The following CYYR1 variants were observed in gnomAD, a reference collection of about 807,000 sequenced individuals.
CYYR1 encodes the protein cysteine and tyrosine rich 1.
In CYYR1, 14 loss-of-function variants were observed where a neutral mutation model predicts 15.2. The observed-to-expected ratio is 0.92, with a 90% CI of 0.61 to 1.44. The LOEUF is 1.44. CYYR1 is among the 40% of genes most tolerant of loss of function. The pLI, the probability that CYYR1 is intolerant of heterozygous loss-of-function variation, is 0.00. For synonymous variants in CYYR1, 80 were observed against 77.4 expected, an observed-to-expected ratio of 1.03 and a Z score of -0.18; for missense variants, 228 against 209.5, an observed-to-expected ratio of 1.09 and a Z score of -0.54.
At chr21:26,487,098 A>T (rs1348471939) in intron 2 of CYYR1, among the ~76,000 whole-genome samples, 1 of 152,048 alleles carries the variant, frequency 6.6e-6, no homozygotes, top group Non-Finnish European at 1.5e-5. Context: ...TTTTACACCT[A>T]TACAAAAAGT....
At chr21:26,491,351 G>A (rs1039312156) in intron 2 of CYYR1, among the ~76,000 whole-genome samples, 6 of 152,126 alleles carry the variant, frequency 3.9e-5, no homozygotes, top group African/African-American at 1.4e-4. Flanking sequence ...CATGCTTTGA[G>A]TGGAAATAAA....
intron 2 of CYYR1, among the ~76,000 whole-genome samples, chr21:26,507,668 G>A (rs1347578723): frequency 2.0e-5 from 3 of 152,116 alleles, no homozygotes; most frequent in Admixed American, 1.3e-4. Flanking sequence ...CAAAAAACAG[G>A]CAGCCACCTC....
At chr21:26,564,088 A>G (rs532204556) in intron 2 of CYYR1, among the ~76,000 whole-genome samples, 2 of 152,310 alleles carry the variant, frequency 1.3e-5, no homozygotes, top group South Asian at 4.1e-4. Flanking sequence ...TGAATTTCAA[A>G]ACAGAAATAT....
At chr21:26,469,017 G>C (rs1006002914) in intron 3 of CYYR1, among the ~76,000 whole-genome samples, 1 of 152,176 alleles carries the variant, frequency 6.6e-6, no homozygotes, top group Non-Finnish European at 1.5e-5. Flanking sequence ...GGTGGGCTCT[G>C]AATGCAATGT....
intron 2 of CYYR1, among the ~76,000 whole-genome samples, chr21:26,523,511 G>A (rs149125999): frequency 1.5e-3 from 223 of 152,182 alleles, no homozygotes; most frequent in African/African-American, 4.7e-3. Context: ...TCTGCATTGC[G>A]GTCTGCCGGA....
intron 3 of CYYR1, 102 bp from the exon 4 acceptor site, chr21:26,468,736 GT>G: frequency 1.1e-6 from 1 of 878,330 alleles, no homozygotes; most frequent in Non-Finnish European, 1.8e-6. Context: ...GACATAAATT[GT>G]GGCTGCAAAA....
chr21:26,483,425 A>G, intron 2 of CYYR1: 1 of 981,918 alleles, frequency 1.0e-6, no homozygotes, highest in Non-Finnish European at 1.2e-6. Context: ...AAAAAAAAAA[A>G]AAAGCTTGAA....
intron 1 of CYYR1, 55 bp downstream of exon 1, chr21:26,572,813 T>C: frequency 6.2e-7 from 1 of 1,600,728 alleles, no homozygotes; most frequent in Middle Eastern, 1.7e-4. Flanking sequence ...GCCCGGACCG[T>C]GACCCAAGGG....
intron 2 of CYYR1, among the ~76,000 whole-genome samples, chr21:26,508,540 G>T (rs1416629847): frequency 6.6e-6 from 1 of 152,146 alleles, no homozygotes; most frequent in African/African-American, 2.4e-5. Context: ...TGGAGTAAAG[G>T]AATACAGTGG....
chr21:26,517,008 G>C (rs1453329002), intron 2 of CYYR1, among the ~76,000 whole-genome samples: 5 of 149,164 alleles, frequency 3.4e-5, no homozygotes, highest in African/African-American at 1.2e-4. Flanking sequence ...CCAGCTACTC[G>C]GGAGGCTGAG....
intron 2 of CYYR1, among the ~76,000 whole-genome samples, chr21:26,545,408 C>T (rs1051510913): frequency 2.0e-5 from 3 of 152,036 alleles, no homozygotes; most frequent in African/African-American, 7.2e-5. Context: ...ATCCACATCA[C>T]CCTGTCCTTC....
At position 26,551,293 on chromosome 21, in the gene CYYR1, C is replaced by A. The variant is rs575225828; in HGVS notation, c.176+14973G>T. On this transcript the variant is annotated intron_variant, in intron 2 of 3. Coordinates refer to ENST00000652641, the MANE Select transcript of CYYR1 (RefSeq NM_001320768.2). ...CAAGGAGATGAACGCTGTGTTCATG[C>A]CTGCTAACACAACACCCGTTCTGTA... 6 of 152,716 alleles carry A rather than the reference C, an allele frequency of 3.9e-5. No individual in the cohort carries two copies. In the East Asian group the frequency reaches 9.6e-4, roughly 25 times the overall value. 9.5% of individuals were successfully genotyped at this position (152,716 alleles called of 1,614,324 possible).
At chr21:26,566,098 A>G (rs1874014415) in intron 2 of CYYR1, among the ~76,000 whole-genome samples, 168 bp downstream of exon 2, 1 of 152,242 alleles carries the variant, frequency 6.6e-6, no homozygotes, top group African/African-American at 2.4e-5. Context: ...GTCAAACAAT[A>G]TAGTCCATTA....
intron 2 of CYYR1, among the ~76,000 whole-genome samples, chr21:26,492,535 A>C (rs187688284): frequency 6.6e-6 from 1 of 152,294 alleles, no homozygotes; most frequent in Admixed American, 6.5e-5. Context: ...GCACCTACAG[A>C]TGTGAGCTAG....
chr21:26,538,646 A>G (rs1347500930), intron 2 of CYYR1, among the ~76,000 whole-genome samples: 1 of 152,186 alleles, frequency 6.6e-6, no homozygotes, highest in Non-Finnish European at 1.5e-5. Context: ...TCATATATAA[A>G]AGTGAGACTC....
chr21:26,559,205 T>C (rs939778163), intron 2 of CYYR1, among the ~76,000 whole-genome samples: 1 of 152,180 alleles, frequency 6.6e-6, no homozygotes, highest in East Asian at 1.9e-4. Context: ...TGTCCTGCTT[T>C]AGTTAGCCAG....
intron 2 of CYYR1, among the ~76,000 whole-genome samples, chr21:26,511,173 T>C (rs1050128715): frequency 6.6e-6 from 1 of 152,224 alleles, no homozygotes; most frequent in Admixed American, 6.5e-5. Flanking sequence ...GATATTTGCC[T>C]CAGTAGACAC....
chr21:26,532,584 T>C (rs956833475), intron 2 of CYYR1, among the ~76,000 whole-genome samples: 1 of 152,158 alleles, frequency 6.6e-6, no homozygotes, highest in Non-Finnish European at 1.5e-5. Context: ...TAGGTGGAAA[T>C]GGAAAGGCTG....
At chr21:26,524,582 G>A (rs1327926886) in intron 2 of CYYR1, among the ~76,000 whole-genome samples, 1 of 151,878 alleles carries the variant, frequency 6.6e-6, no homozygotes, top group Non-Finnish European at 1.5e-5. Context: ...GATTCAGATG[G>A]CTGGAAGCTG....
Sources: gnomAD v4.1 joint callset for allele counts (sites outside exome capture counted in the v4.1 genomes callset) on GRCh38, gnomAD v4.1.1 for gene constraint, MANE v1.5 for transcripts, NCBI Gene and HGNC (gene_info 2026-07-23, HGNC 2026-07-21) for gene names.